The following GUCY2C variants were observed in gnomAD, a reference collection of about 807,000 sequenced individuals.
GUCY2C encodes guanylate cyclase 2C.
GUCY2C carries 118 observed loss-of-function variants against 131.1 expected under a neutral mutation model. The ratio of observed to expected loss-of-function variants is 0.90; its 90% CI spans 0.78 to 1.05. The LOEUF is 1.05. Among genes scored for constraint, GUCY2C ranks in the 50% least tolerant of loss-of-function variants. The probability of loss-of-function intolerance (pLI) is 0.00; values close to 1 mark genes in which losing one functional copy is unlikely to be tolerated. For missense variants in GUCY2C, 1,161 were observed against 1,304.4 expected, an observed-to-expected ratio of 0.89 and a Z score of 1.69; for synonymous variants, 452 against 457.8, an observed-to-expected ratio of 0.99 and a Z score of 0.16.
At chr12:14,682,936 T>C (rs1206796470) in intron 4 of GUCY2C, 106 bp downstream of exon 4, 2 of 706,276 alleles carry the variant, frequency 2.8e-6, no homozygotes, top group Non-Finnish European at 5.0e-6. Context: ...CTATACCCAA[T>C]GCTGTTACCA....
Position 14,613,281 on chromosome 12 carries a change from G to T in GUCY2C, c.3058C>A (p.Gln1020Lys). Residue 1020 changes from glutamine to lysine, a missense_variant, in exon 27 of 27, where the codon CAG (glutamine) becomes AAG (lysine). Physicochemically the swap from Gln to Lys is moderately conservative, Grantham distance 53. Transcript: ENST00000261170. This position sits in a 1 kb window ranked among gnomAD's most constrained non-coding sequence, Gnocchi z 4.9. Reference sequence around the variant, plus strand: ...TCTGAAAATTCTGCTTGCAAACGCTGTTGATTCTCCCTGGAAACAGAGTGG... The same window carrying T: ...TCTGAAAATTCTGCTTGCAAACGCTTTTGATTCTCCCTGGAAACAGAGTGG... ...LPTPPTVENQ[Q>K]RLQAEFSDMI... 2.5e-6 allele frequency: 4 copies of T among 1,612,086 alleles called. No individual in the cohort carries two copies. Among genetic ancestry groups the T allele is most frequent in the Non-Finnish European group, 3.4e-6 (4 of 1,178,396 alleles).
chr12:14,652,853 C>T (rs1947691256), intron 13 of GUCY2C, 99 bp downstream of exon 13: 1 of 823,334 alleles, frequency 1.2e-6, no homozygotes, highest in Non-Finnish European at 2.2e-6. Context: ...ACTGGGGACT[C>T]CCACCATTGT....
rs779935606 is a variant in GUCY2C, at chr12:14,622,029, A to T, written c.2577T>A (p.Ile859=). 1.1e-5 allele frequency: 18 copies of T among 1,605,534 alleles called. No homozygotes were observed. In the South Asian group the frequency reaches 1.2e-4, roughly 11 times the overall value. The change falls in exon 22 of 27, where the codon ATT becomes ATA. Residue 859 remains isoleucine (I), a synonymous_variant. Transcript: ENST00000261170. The part of the protein sequence containing the change: ...LNDIYKSFDH[I]VDHHDVYKVE... ...CCTTGTAGACATCATGATGATCAAC[A>T]ATGTGGTCAAAACTCTTATAGATGT...
At chr12:14,688,477 G>T (rs555769623) in intron 1 of GUCY2C, among the ~76,000 whole-genome samples, 1 of 152,168 alleles carries the variant, frequency 6.6e-6, no homozygotes, top group South Asian at 2.1e-4. Flanking sequence ...ACTGGAGAGT[G>T]TTGGGAAGCA....
intron 4 of GUCY2C, among the ~76,000 whole-genome samples, chr12:14,682,381 C>A (rs1948364927): frequency 6.6e-6 from 1 of 152,086 alleles, no homozygotes; most frequent in African/African-American, 2.4e-5. Context: ...TTTTGCTTAG[C>A]ACTTTTCCTT....
At chr12:14,632,906 C>A (rs1592091129) in intron 19 of GUCY2C, among the ~76,000 whole-genome samples, 1 of 152,188 alleles carries the variant, frequency 6.6e-6, no homozygotes, top group Admixed American at 6.5e-5. Flanking sequence ...CCAGCATATA[C>A]CACTTGTGGA....
chr12:14,614,856 C>G lies in GUCY2C; in HGVS notation c.3047+11G>C. 6.4e-7 allele frequency: 1 copy of G among 1,552,912 alleles called. No homozygotes were observed. The highest frequency in any genetic ancestry group is 8.7e-7 in the Non-Finnish European group (1 of 1,143,774). The stretch of plus-strand genomic sequence containing the variant: ...ATTTCCTCCCTGTCCCTGCCACACC[C>G]AGAAGCTTACACAGTAGGAGGGGTT... On this transcript the variant is annotated intron_variant, in intron 26 of 26. Coordinates refer to ENST00000261170, the MANE Select transcript of GUCY2C (RefSeq NM_004963.4).
intron 20 of GUCY2C, among the ~76,000 whole-genome samples, 166 bp downstream of exon 20, chr12:14,628,480 G>A (rs529464732): frequency 6.6e-5 from 10 of 152,226 alleles, no homozygotes; most frequent in Non-Finnish European, 1.2e-4. Context: ...CTGGGAAAAC[G>A]GTCTAATAGT....
In GUCY2C at chr12:14,613,040, G is replaced by A. The variant is rs1277376552; in HGVS notation, c.*77C>T. ...TCATTGAGGTCTCAGGAAAATGTAA[G>A]CTTTCAGGACACTTGAGGTCGCTGC... is the stretch of plus-strand genomic sequence containing the variant. On this transcript the variant is annotated 3_prime_UTR_variant, in exon 27 of 27. Coordinates refer to ENST00000261170, the MANE Select transcript of GUCY2C (RefSeq NM_004963.4). The surrounding 1 kb of genome is among the most constrained non-coding windows in gnomAD (Gnocchi z 4.9). 1.6e-5 allele frequency: 19 copies of A among 1,210,602 alleles called. No individual in the cohort carries two copies. The highest frequency in any genetic ancestry group is 2.3e-4 in the Middle Eastern group (1 of 4,424). 75.0% of individuals were successfully genotyped at this position (1,210,602 alleles called of 1,614,324 possible).
rs559615353 is a variant in GUCY2C at position 14,695,550 on chromosome 12, G to A, written c.217+682C>T. On this transcript the variant is annotated intron_variant, in intron 1 of 26. Transcript: ENST00000261170. ...TGGGAGGCAGAGCTTGCAGTGAGCC[G>A]AGATCGTGCCACTGCACTCCAGCCT... 7.0e-5 allele frequency among the ~76,000 whole-genome samples: 10 copies of A among 142,806 alleles called. No individual in the cohort carries two copies. In the South Asian group the frequency reaches 1.8e-3, roughly 25 times the overall value. 93.7% of individuals were successfully genotyped at this position (142,806 alleles called of 152,430 possible).
rs1353929878 is a variant in GUCY2C, at chr12:14,613,757, G to A, written c.3048-466C>T. On this transcript the variant is annotated intron_variant, in intron 26 of 26. Transcript: ENST00000261170. This position sits in a 1 kb window ranked among gnomAD's most constrained non-coding sequence, Gnocchi z 4.9. Reference sequence around the variant, plus strand: ...GGAGCCAGGTTTCTCATGCCCCAGGGAAGATTTGGGTTGTTTTGGCTTTTC... The same window carrying A: ...GGAGCCAGGTTTCTCATGCCCCAGGAAAGATTTGGGTTGTTTTGGCTTTTC... Among the ~76,000 whole-genome samples, 2 of 152,108 alleles carry A rather than the reference G, an allele frequency of 1.3e-5. No homozygotes were observed. Among genetic ancestry groups the A allele is most frequent in the Non-Finnish European group, 2.9e-5 (2 of 68,010 alleles).
rs55684775 is a variant in GUCY2C at position 14,656,591 on chromosome 12, C to A, written c.1391G>T (p.Arg464Leu). Residue 464 changes from arginine to leucine, a missense_variant, in exon 12 of 27, where the codon CGT (arginine) becomes CTT (leucine). Transcript: ENST00000261170. ...AGGAATGTGGGACCATTTTTTCTGA[C>A]GAAGTTCATAATCTTTTCTATATTT... Reference protein sequence around the residue: ...LRKYRKDYELRQKKWSHIPPE... With the variant: ...LRKYRKDYELLQKKWSHIPPE... 1 of 1,584,510 alleles carries A rather than the reference C, an allele frequency of 6.3e-7. No individual in the cohort carries two copies. The highest frequency in any genetic ancestry group is 2.2e-5 in the East Asian group (1 of 44,728).
intron 18 of GUCY2C, among the ~76,000 whole-genome samples, 199 bp downstream of exon 18, chr12:14,640,883 A>T (rs1346369217): frequency 1.3e-5 from 2 of 152,352 alleles, no homozygotes; most frequent in Middle Eastern, 3.4e-3. Context: ...CTGGCAGTGT[A>T]TGTTGTCTTA....
intron 19 of GUCY2C, among the ~76,000 whole-genome samples, chr12:14,635,484 G>T (rs927868382): frequency 6.6e-6 from 1 of 151,982 alleles, no homozygotes; most frequent in African/African-American, 2.4e-5. Flanking sequence ...TAGTTTATAG[G>T]AATAAATGCC....
chr12:14,674,587 C>T, intron 8 of GUCY2C, 38 bp downstream of exon 8: 1 of 1,603,746 alleles, frequency 6.2e-7, no homozygotes, highest in East Asian at 2.2e-5. Context: ...GCCTACATTT[C>T]TTCACCTTGG....
At chr12:14,653,554 C>T (rs1178149564) in intron 12 of GUCY2C, among the ~76,000 whole-genome samples, 2 of 152,178 alleles carry the variant, frequency 1.3e-5, no homozygotes, top group Non-Finnish European at 2.9e-5. Flanking sequence ...TGTATGTTGG[C>T]AATTAATTTT....
intron 4 of GUCY2C, among the ~76,000 whole-genome samples, chr12:14,682,361 G>T (rs1044482147): frequency 6.6e-6 from 1 of 152,080 alleles, no homozygotes; most frequent in Non-Finnish European, 1.5e-5. Context: ...TTTATAAGGG[G>T]CTCTTCCCTT....
chr12:14,686,054 T>C, intron 3 of GUCY2C, 107 bp downstream of exon 3: 1 of 702,666 alleles, frequency 1.4e-6, no homozygotes, highest in Non-Finnish European at 2.5e-6. Flanking sequence ...GGCAAAATAC[T>C]AGACCTCAAC....
At chr12:14,631,179 C>A (rs895128685) in intron 19 of GUCY2C, among the ~76,000 whole-genome samples, 2 of 152,082 alleles carry the variant, frequency 1.3e-5, no homozygotes, top group Non-Finnish European at 2.9e-5. Context: ...TTTTATCCCA[C>A]AAGGAACAAA....
Sources: allele counts gnomAD v4.1 joint callset (sites outside exome capture counted in the v4.1 genomes callset), GRCh38; gene constraint gnomAD v4.1.1; non-coding constraint Gnocchi (gnomAD v3.1); transcripts MANE v1.5; gene names NCBI Gene and HGNC (gene_info 2026-07-23, HGNC 2026-07-21).